The following DNAH11 variants were observed in gnomAD, a reference collection of about 807,000 sequenced individuals.
DNAH11 encodes axonemal beta dynein heavy chain 11.
In DNAH11, 442 loss-of-function variants were observed where a neutral mutation model predicts 526.0. That is an observed-to-expected ratio of 0.84 (90% CI 0.78 to 0.91). DNAH11 has a LOEUF of 0.91. DNAH11 is among the 40% of genes least tolerant of loss of function. The pLI is 0.00. For synonymous variants in DNAH11, 2,461 were observed against 1,935.9 expected, an observed-to-expected ratio of 1.27 and a Z score of -7.12; for missense variants, 6,989 against 5,448.7, an observed-to-expected ratio of 1.28 and a Z score of -8.90.
At position 21,711,720 on chromosome 7, in the gene DNAH11, C is replaced by A. The variant is rs1784470550; in HGVS notation, c.6843C>A (p.Thr2281=). ...NTVMDDNKVL[T]LASNERIALT... ...TGTGCTGCTCACTCCAGGTGCTGAC[C>A]CTCGCCAGCAATGAGCGCATTGCAC... The change falls in exon 42 of 82, where the codon ACC becomes ACA. Residue 2281 remains threonine, a synonymous_variant. Coordinates refer to ENST00000409508, the MANE Select transcript of DNAH11 (RefSeq NM_001277115.2). The A allele has an allele frequency of 6.2e-7, 1 of 1,613,344 alleles. No individual in the cohort carries two copies. Among genetic ancestry groups the A allele is most frequent in the African/African-American group, 1.3e-5 (1 of 74,868 alleles).
chr7:21,884,219 C>A lies in DNAH11; in HGVS notation c.12388-72C>A, dbSNP rs186925843. 4.8e-5 allele frequency: 68 copies of A among 1,416,480 alleles called. No individual in the cohort carries two copies. In the African/African-American group the frequency reaches 8.6e-4, roughly 18 times the overall value. The allele number at this position is 1,416,480 out of a possible 1,614,324, so 87.7% of individuals were successfully genotyped here. On this transcript the variant is annotated intron_variant, in intron 75 of 81. Transcript: ENST00000409508. ...TGGAGGGCATTGTGTTAGAGGGGCA[C>A]GTGCTACTGGTTGGCTACTCTGAGG...
chr7:21,545,292 A>T, intron 2 of DNAH11, 143 bp downstream of exon 2: 1 of 792,836 alleles, frequency 1.3e-6, no homozygotes, highest in Non-Finnish European at 1.9e-6. Context: ...AAAAAAAAAA[A>T]AAAAGCTTGT....
Position 21,543,216 on chromosome 7 carries a change from C to G in DNAH11, c.-30C>G, listed in dbSNP as rs1490624364. ...CCAGAGTCTCGGGTGAGGAGCCAGC[C>G]GGCCTCGCGTTCCCTCGGACGGTTG... On this transcript the variant is annotated 5_prime_UTR_variant, in exon 1 of 82. Coordinates refer to ENST00000409508, the MANE Select transcript of DNAH11 (RefSeq NM_001277115.2). 5 of 1,490,408 alleles carry G rather than the reference C, an allele frequency of 3.4e-6. No individual in the cohort carries two copies. The highest frequency in any genetic ancestry group is 4.5e-6 in the Non-Finnish European group (5 of 1,123,320). The allele number at this position is 1,490,408 out of a possible 1,614,324, so 92.3% of individuals were successfully genotyped here. A position where few individuals can be genotyped will look rare whatever the true frequency, so the allele number is the denominator to read the frequency against.
intron 39 of DNAH11, 98 bp downstream of exon 39, chr7:21,705,635 C>CGCCTGTA: frequency 8.8e-7 from 1 of 1,140,098 alleles, no homozygotes; most frequent in South Asian, 1.4e-5. Context: ...AATTCCCCTC[C>CGCCTGTA]ATGAAGCCCA....
At chr7:21,577,967 A>T (rs1784164795) in intron 8 of DNAH11, among the ~76,000 whole-genome samples, 1 of 152,196 alleles carries the variant, frequency 6.6e-6, no homozygotes, top group Non-Finnish European at 1.5e-5. Flanking sequence ...TAATTTATGA[A>T]GAAAAGAGGT....
At chr7:21,893,992 G>A (rs1488933237) in intron 77 of DNAH11, among the ~76,000 whole-genome samples, 2 of 152,284 alleles carry the variant, frequency 1.3e-5, no homozygotes, top group African/African-American at 4.8e-5. Flanking sequence ...GGATTCAAGC[G>A]ATTTTCGTGC....
intron 61 of DNAH11, among the ~76,000 whole-genome samples, chr7:21,799,129 C>T (rs1017259458): frequency 2.2e-4 from 34 of 152,004 alleles, no homozygotes; most frequent in African/African-American, 8.2e-4. Flanking sequence ...AGCTAGGTAA[C>T]ATTATTAATT....
In DNAH11 at chr7:21,707,698, G is replaced by A. The variant is rs1032560986; in HGVS notation, c.6547-1G>A. On this transcript the variant is annotated splice_acceptor_variant, in intron 39 of 81. Transcript: ENST00000409508. LOFTEE classifies it high-confidence loss of function. ...TTTGGCTCTTTCCTCCTTCCCCTCA[G>A]ATTTTGAGAACACTGAACCGAACAT... 2 of 1,608,820 alleles carry A rather than the reference G, an allele frequency of 1.2e-6. No homozygotes were observed. Among genetic ancestry groups the A allele is most frequent in the Admixed American group, 3.4e-5 (2 of 59,162 alleles).
At chr7:21,650,830 G>A (rs924812662) in intron 28 of DNAH11, among the ~76,000 whole-genome samples, 1 of 151,372 alleles carries the variant, frequency 6.6e-6, no homozygotes, top group Non-Finnish European at 1.5e-5. Context: ...AGTAGAGTTG[G>A]CGTTTCACCA....
chr7:21,653,326 T>C (rs1215070140), intron 28 of DNAH11, among the ~76,000 whole-genome samples: 1 of 152,154 alleles, frequency 6.6e-6, no homozygotes, highest in South Asian at 2.1e-4. Flanking sequence ...GTTAAAAAAA[T>C]AGTCTTGTTC....
chr7:21,841,158 T>C (rs992006333), intron 65 of DNAH11, among the ~76,000 whole-genome samples: 3 of 152,174 alleles, frequency 2.0e-5, no homozygotes, highest in Admixed American at 6.6e-5. Context: ...CATTTCAGCC[T>C]GGGTGAAGGA....
rs1291653491 is a variant in DNAH11, at chr7:21,793,935, T to C, written c.10026+4593T>C. 2.0e-5 allele frequency among the ~76,000 whole-genome samples: 3 copies of C among 152,194 alleles called. No homozygotes were observed. In the East Asian group the frequency reaches 5.8e-4, roughly 29 times the overall value. On this transcript the variant is annotated intron_variant, in intron 61 of 81. Coordinates refer to ENST00000409508, the MANE Select transcript of DNAH11 (RefSeq NM_001277115.2). ...TGTGCTCTTTTGAGGTCATTCTCTG[T>C]AGACATTTGTTTGTTTCATCATTTT...
At chr7:21,713,975 G>A (rs1364926738) in intron 42 of DNAH11, among the ~76,000 whole-genome samples, 1 of 152,174 alleles carries the variant, frequency 6.6e-6, no homozygotes, top group African/African-American at 2.4e-5. Flanking sequence ...GACTCCCTCT[G>A]TACAGAGAAC....
At chr7:21,817,594 G>C (rs931797253) in intron 64 of DNAH11, among the ~76,000 whole-genome samples, 4 of 151,302 alleles carry the variant, frequency 2.6e-5, no homozygotes, top group African/African-American at 9.7e-5. Flanking sequence ...TTGAGAGGCT[G>C]AGGCAGGAGG....
At chr7:21,598,025 A>G (rs923318106) in intron 14 of DNAH11, among the ~76,000 whole-genome samples, 3 of 152,156 alleles carry the variant, frequency 2.0e-5, no homozygotes, top group Non-Finnish European at 2.9e-5. Flanking sequence ...TTTGAGAGCT[A>G]GGGTTCTCTC....
At chr7:21,661,848 T>G (rs1253147293) in intron 30 of DNAH11, among the ~76,000 whole-genome samples, 1 of 152,114 alleles carries the variant, frequency 6.6e-6, no homozygotes, top group East Asian at 1.9e-4. Flanking sequence ...AGATGGAGTT[T>G]CGCTCCTGTC....
At chr7:21,894,515 G>A (rs527898531) in intron 77 of DNAH11, 108 bp from the exon 78 acceptor site, 486 of 1,182,844 alleles carry the variant, frequency 4.1e-4, no homozygotes, top group South Asian at 2.3e-3. Context: ...AGGCACCTTC[G>A]GAAGTCGTAT....
chr7:21,899,827 T>C (rs1394371800), intron 80 of DNAH11, among the ~76,000 whole-genome samples, 153 bp from the exon 81 acceptor site: 1 of 152,202 alleles, frequency 6.6e-6, no homozygotes, highest in Non-Finnish European at 1.5e-5. Flanking sequence ...CAGGCCTTAG[T>C]TGGCCAACCC....
At position 21,687,294 on chromosome 7, in the gene DNAH11, C is replaced by CT. The variant is rs756332647; in HGVS notation, c.5778+40dup. The CT allele has an allele frequency of 5.8e-6, 9 of 1,553,352 alleles. No individual in the cohort carries two copies. In the Admixed American group the frequency reaches 9.9e-5, roughly 17 times the overall value. On this transcript the variant is annotated intron_variant, in intron 33 of 81. Transcript: ENST00000409508. ...AGAATAATGTGTAAAACTTTATTCT[C>CT]TAACATTATTCCTGATTGGGAATTA... is the stretch of plus-strand genomic sequence containing the variant.
Sources: gnomAD v4.1 joint callset for allele counts (sites outside exome capture counted in the v4.1 genomes callset) on GRCh38, gnomAD v4.1.1 for gene constraint, MANE v1.5 for transcripts, NCBI Gene and HGNC (gene_info 2026-07-23, HGNC 2026-07-21) for gene names.